The following THADA variants were observed in gnomAD, a reference collection of about 807,000 sequenced individuals.
THADA encodes the protein tRNA (32-2'-O)-methyltransferase regulator THADA.
In THADA, 213 loss-of-function variants were observed where a neutral mutation model predicts 219.8. The ratio of observed to expected loss-of-function variants is 0.97; its 90% CI spans 0.87 to 1.09. The LOEUF (loss-of-function observed/expected upper bound fraction) is 1.09. Ranked by LOEUF, THADA falls within the 50% of genes least tolerant of loss-of-function variation. The probability of loss-of-function intolerance (pLI) is 0.00; values close to 1 mark genes in which losing one functional copy is unlikely to be tolerated. For synonymous variants in THADA, 1,018 were observed against 828.9 expected (o/e 1.23, Z -3.92); for missense variants, 2,956 against 2,311.3 (o/e 1.28, Z -5.72).
At chr2:43,593,414 G>C (rs1701791147) in intron 1 of THADA, among the ~76,000 whole-genome samples, 1 of 152,120 alleles carries the variant, frequency 6.6e-6, no homozygotes, top group Non-Finnish European at 1.5e-5. Flanking sequence ...CAGGTGACAT[G>C]TAGAGCATTA....
intron 26 of THADA, among the ~76,000 whole-genome samples, chr2:43,435,705 C>G (rs1234145666): frequency 2.0e-5 from 3 of 150,166 alleles, no homozygotes; most frequent in Non-Finnish European, 4.4e-5. Context: ...ATCGCTTGAA[C>G]CTGGGAGGCA....
At chr2:43,567,026 T>C (rs1199654431) in intron 14 of THADA, among the ~76,000 whole-genome samples, 4 of 152,068 alleles carry the variant, frequency 2.6e-5, no homozygotes, top group Admixed American at 2.6e-4. Context: ...TAATAAACCC[T>C]ATATTTGCAG....
chr2:43,497,565 C>T (rs1407860761), intron 25 of THADA, among the ~76,000 whole-genome samples: 1 of 152,070 alleles, frequency 6.6e-6, no homozygotes, highest in East Asian at 1.9e-4. Flanking sequence ...AACATCAGGA[C>T]AAATAGCTAA....
rs75880870 is a variant in THADA, at chr2:43,528,017, C to T, written c.3265-29G>A. The T allele has an allele frequency of 2.3e-4, 351 of 1,537,692 alleles. 1 individual carries two copies. The East Asian group carries it at 4.2e-3, about 19-fold the overall frequency. On this transcript the variant is annotated intron_variant, in intron 21 of 37. Transcript: ENST00000405975. ...TAAAAAAAAAGCAAAAACAAATGTCCGATTTATGTTTACATTCGCAAGTGT... is the reference window on the plus strand; with the variant it reads ...TAAAAAAAAAGCAAAAACAAATGTCTGATTTATGTTTACATTCGCAAGTGT...
chr2:43,322,631 G>A (rs1225426838), intron 30 of THADA, among the ~76,000 whole-genome samples: 3 of 144,718 alleles, frequency 2.1e-5, no homozygotes, highest in Non-Finnish European at 4.5e-5. Flanking sequence ...CGAGGCAACC[G>A]CTATTACTAC....
intron 36 of THADA, among the ~76,000 whole-genome samples, chr2:43,254,515 C>T (rs1444019717): frequency 6.6e-6 from 1 of 152,016 alleles, no homozygotes; most frequent in East Asian, 1.9e-4. Flanking sequence ...TGTGTCATCC[C>T]GCTTCATCTC....
At chr2:43,296,556 G>A (rs1675414306) in intron 31 of THADA, among the ~76,000 whole-genome samples, 1 of 152,204 alleles carries the variant, frequency 6.6e-6, no homozygotes, top group Non-Finnish European at 1.5e-5. Flanking sequence ...GATTACAGGT[G>A]GGAGCCACTG....
intron 4 of THADA, 59 bp downstream of exon 4, chr2:43,590,765 G>A: frequency 2.5e-6 from 4 of 1,575,616 alleles, no homozygotes; most frequent in South Asian, 1.2e-5. Context: ...AGGAACTTCA[G>A]TTACTTTTGG....
chr2:43,404,991 G>T (rs1675356757), intron 28 of THADA, among the ~76,000 whole-genome samples: 1 of 152,202 alleles, frequency 6.6e-6, no homozygotes, highest in African/African-American at 2.4e-5. Flanking sequence ...TTTCTCTAGT[G>T]TTCTTTGTCT....
At chr2:43,460,037 G>A (rs1198164295) in intron 26 of THADA, among the ~76,000 whole-genome samples, 1 of 151,820 alleles carries the variant, frequency 6.6e-6, no homozygotes, top group Non-Finnish European at 1.5e-5. Flanking sequence ...CAAGGATGTT[G>A]GCTTCATGCT....
At chr2:43,583,272 C>G (rs1391613307) in intron 7 of THADA, among the ~76,000 whole-genome samples, 1 of 152,082 alleles carries the variant, frequency 6.6e-6, no homozygotes, top group Non-Finnish European at 1.5e-5. Context: ...TCATCCTTGC[C>G]ACCTCTCCTC....
intron 36 of THADA, among the ~76,000 whole-genome samples, chr2:43,268,033 G>C (rs577909215): frequency 2.7e-4 from 41 of 152,326 alleles, no homozygotes; most frequent in African/African-American, 9.9e-4. Flanking sequence ...AAGGGAAGAG[G>C]AGGCAGAGAG....
intron 28 of THADA, among the ~76,000 whole-genome samples, chr2:43,425,485 T>A (rs2104804102): frequency 6.9e-6 from 1 of 145,592 alleles, no homozygotes; most frequent in South Asian, 2.2e-4. Flanking sequence ...TGTGTGTGTG[T>A]GTGATGGTAT....
At chr2:43,474,812 G>T (rs7561114) in intron 26 of THADA, among the ~76,000 whole-genome samples, 21,858 of 152,104 alleles carry the variant, frequency 0.14, 2,137 homozygotes, top group African/African-American at 0.28. Flanking sequence ...CTAGAATTGT[G>T]TTTATAGAGT....
intron 25 of THADA, among the ~76,000 whole-genome samples, chr2:43,487,004 T>A (rs1686993816): frequency 6.6e-6 from 1 of 152,244 alleles, no homozygotes; most frequent in Non-Finnish European, 1.5e-5. Flanking sequence ...GCACAATCCA[T>A]ATCAAAAATG....
intron 29 of THADA, among the ~76,000 whole-genome samples, chr2:43,357,113 G>A (rs1454247576): frequency 6.6e-6 from 1 of 152,114 alleles, no homozygotes; most frequent in Non-Finnish European, 1.5e-5. Context: ...ACATACTTTG[G>A]GAACTGCAAG....
chr2:43,393,781 AC>A (rs1282248014), intron 29 of THADA, among the ~76,000 whole-genome samples: 1 of 152,098 alleles, frequency 6.6e-6, no homozygotes, highest in Non-Finnish European at 1.5e-5. Context: ...AACAACAACA[AC>A]AAAAGACCCA....
At chr2:43,463,141 G>C (rs368151774) in intron 26 of THADA, 8 of 152,206 alleles carry the variant, frequency 5.3e-5, no homozygotes, top group Non-Finnish European at 1.2e-4. Context: ...GTTGATTTAA[G>C]AAAATATTCT....
At position 43,232,892 on chromosome 2, in the gene THADA, C is replaced by A. The variant is rs755783167; in HGVS notation, c.5297-10G>T. On this transcript the variant is annotated splice_polypyrimidine_tract_variant and intron_variant, in intron 36 of 37. Transcript: ENST00000405975. Reference sequence around the variant, plus strand: ...TGGCAGAAGGCAAACTCTGCAAAGACAGGAGAAAGGTGAGCAATGAATATA... The same window carrying A: ...TGGCAGAAGGCAAACTCTGCAAAGAAAGGAGAAAGGTGAGCAATGAATATA... 15 of 1,604,704 alleles carry A rather than the reference C, an allele frequency of 9.3e-6. No homozygotes were observed. Among genetic ancestry groups the A allele is most frequent in the African/African-American group, 5.4e-5 (4 of 74,762 alleles).
Sources: gnomAD v4.1 joint callset for allele counts (sites outside exome capture counted in the v4.1 genomes callset) on GRCh38, gnomAD v4.1.1 for gene constraint, MANE v1.5 for transcripts, NCBI Gene and HGNC (gene_info 2026-07-23, HGNC 2026-07-21) for gene names.